Variants in DNM3 observed in about 807,000 individuals in gnomAD.
The protein encoded by DNM3 is dynamin-3.
DNM3 carries 47 observed loss-of-function variants against 101.6 expected under a neutral mutation model. The observed-to-expected ratio is 0.46, with a 90% CI of 0.37 to 0.59. DNM3 has a LOEUF of 0.59. Among genes scored for constraint, DNM3 ranks in the 20% least tolerant of loss-of-function variants. The probability of loss-of-function intolerance (pLI) is 0.00; values close to 1 mark genes in which losing one functional copy is unlikely to be tolerated. For synonymous variants in DNM3, 385 were observed against 387.9 expected (o/e 0.99, Z 0.09); for missense variants, 849 against 1,085.7 (o/e 0.78, Z 3.06).
chr1:172,385,215 C>A (rs1023468994), intron 18 of DNM3, among the ~76,000 whole-genome samples: 4 of 152,150 alleles, frequency 2.6e-5, no homozygotes, highest in Admixed American at 6.5e-5. Flanking sequence ...ATCTTATGAA[C>A]GATCTACAAT....
intron 15 of DNM3, among the ~76,000 whole-genome samples, chr1:172,285,616 A>G (rs2063668339): frequency 6.6e-6 from 1 of 152,222 alleles, no homozygotes; most frequent in Non-Finnish European, 1.5e-5. Context: ...ATAAAGGCTC[A>G]TATAAAACTT....
At chr1:171,861,123 T>C (rs2034134697) in intron 1 of DNM3, among the ~76,000 whole-genome samples, 1 of 152,070 alleles carries the variant, frequency 6.6e-6, no homozygotes, top group African/African-American at 2.4e-5. Flanking sequence ...TGGAAAGATA[T>C]CCTATGTTCA....
intron 2 of DNM3, among the ~76,000 whole-genome samples, chr1:171,943,620 C>T (rs1246696565): frequency 6.6e-6 from 1 of 152,180 alleles, no homozygotes; most frequent in Non-Finnish European, 1.5e-5. Flanking sequence ...CTACCTATGA[C>T]CTGGAAGCCC....
At chr1:172,356,786 A>ATAGG (rs1202239436) in intron 17 of DNM3, among the ~76,000 whole-genome samples, 1 of 152,076 alleles carries the variant, frequency 6.6e-6, no homozygotes, top group African/African-American at 2.4e-5. Flanking sequence ...ACAGAAAAAG[A>ATAGG]TAAGGTTACT....
chr1:172,087,903 C>T (rs759913312), intron 12 of DNM3, among the ~76,000 whole-genome samples: 1 of 152,180 alleles, frequency 6.6e-6, no homozygotes, highest in Non-Finnish European at 1.5e-5. Context: ...TTCCTTTCTA[C>T]TCTACTCCCT....
intron 1 of DNM3, among the ~76,000 whole-genome samples, chr1:171,874,692 A>T (rs1283864402): frequency 6.6e-6 from 1 of 152,074 alleles, no homozygotes; most frequent in Non-Finnish European, 1.5e-5. Context: ...ATCAGGGGGC[A>T]TATATGCACG....
chr1:172,037,368 T>A (rs2049048097), intron 6 of DNM3, among the ~76,000 whole-genome samples: 1 of 152,156 alleles, frequency 6.6e-6, no homozygotes, highest in African/African-American at 2.4e-5. Flanking sequence ...CTATTCACAA[T>A]AGCAAAGACT....
chr1:171,879,575 G>A (rs1259396995), intron 1 of DNM3, among the ~76,000 whole-genome samples: 1 of 152,162 alleles, frequency 6.6e-6, no homozygotes, highest in African/African-American at 2.4e-5. Context: ...TTTACCATAA[G>A]GAATTAGGTG....
intron 1 of DNM3, among the ~76,000 whole-genome samples, chr1:171,895,864 C>T (rs2037742821): frequency 6.6e-6 from 1 of 152,094 alleles, no homozygotes; most frequent in Non-Finnish European, 1.5e-5. Flanking sequence ...TATGGCTAGC[C>T]AGTTTTCCCA....
intron 15 of DNM3, among the ~76,000 whole-genome samples, chr1:172,293,382 A>C (rs2064011428): frequency 6.6e-6 from 1 of 152,218 alleles, no homozygotes; most frequent in Non-Finnish European, 1.5e-5. Context: ...CCTTTTACCT[A>C]AGGCATAAAA....
Position 172,409,501 on chromosome 1 carries a change from A to T in DNM3, c.*1660A>T. 1.0e-6 allele frequency: 1 copy of T among 984,190 alleles called. No individual in the cohort carries two copies. The highest frequency in any genetic ancestry group is 1.7e-5 in the African/African-American group (1 of 57,320). The allele number at this position is 984,190 out of a possible 1,614,324, so 61.0% of individuals were successfully genotyped here. A position where few individuals can be genotyped will look rare whatever the true frequency, so the allele number is the denominator to read the frequency against. On this transcript the variant is annotated 3_prime_UTR_variant, in exon 21 of 21. Transcript: ENST00000627582. ...AAATCAGAAAATACAAGATTTACATAAAGGTCATTTCAACTTTTAAGGTTA... is the reference window on the plus strand; with the variant it reads ...AAATCAGAAAATACAAGATTTACATTAAGGTCATTTCAACTTTTAAGGTTA...
intron 14 of DNM3, among the ~76,000 whole-genome samples, chr1:172,140,857 A>T (rs2057540463): frequency 6.6e-6 from 1 of 151,968 alleles, no homozygotes; most frequent in Non-Finnish European, 1.5e-5. Context: ...CTGCCCCTAA[A>T]CTTGTTAAAA....
chr1:172,075,623 T>C (rs138745239), intron 11 of DNM3, among the ~76,000 whole-genome samples: 15 of 152,302 alleles, frequency 9.8e-5, no homozygotes, highest in African/African-American at 3.6e-4. Flanking sequence ...CAGCTGGTTG[T>C]AGATGTGTGG....
chr1:172,148,454 A>C (rs373239615), intron 14 of DNM3, among the ~76,000 whole-genome samples: 2 of 152,252 alleles, frequency 1.3e-5, no homozygotes, highest in African/African-American at 4.8e-5. Flanking sequence ...TAAATAAAAA[A>C]CATAGTGTGC....
intron 7 of DNM3, 74 bp from the exon 8 acceptor site, chr1:172,041,935 T>A (rs2049422267): frequency 1.4e-6 from 2 of 1,474,506 alleles, no homozygotes; most frequent in Non-Finnish European, 1.8e-6. Flanking sequence ...TAAGGAATAA[T>A]CATAGGAAAA....
intron 7 of DNM3, among the ~76,000 whole-genome samples, chr1:172,039,017 C>T (rs999015890): frequency 6.6e-6 from 1 of 151,832 alleles, no homozygotes; most frequent in African/African-American, 2.4e-5. Context: ...ATCTTTTCAC[C>T]CCTTCATGAT....
intron 16 of DNM3, among the ~76,000 whole-genome samples, chr1:172,313,838 G>C (rs895130389): frequency 5.3e-5 from 8 of 152,016 alleles, no homozygotes; most frequent in African/African-American, 1.9e-4. Context: ...GGATACATGT[G>C]CAGAATGTGC....
intron 15 of DNM3, among the ~76,000 whole-genome samples, chr1:172,300,861 G>T (rs1389638854): frequency 6.6e-6 from 1 of 152,182 alleles, no homozygotes; most frequent in Non-Finnish European, 1.5e-5. Flanking sequence ...AGAGTGAAAG[G>T]TGTCCAAAAT....
chr1:172,171,416 G>T (rs1051501976), intron 14 of DNM3, among the ~76,000 whole-genome samples: 2 of 151,708 alleles, frequency 1.3e-5, no homozygotes, highest in African/African-American at 4.8e-5. Context: ...TGCATTAGAA[G>T]GCAGAAGAAA....
Sources: allele counts gnomAD v4.1 joint callset (sites outside exome capture counted in the v4.1 genomes callset), GRCh38; gene constraint gnomAD v4.1.1; transcripts MANE v1.5; gene names NCBI Gene and HGNC (gene_info 2026-07-23, HGNC 2026-07-21).